Variants in SENP6 observed in about 807,000 individuals in gnomAD.
SENP6 encodes sentrin-specific protease 6.
A neutral mutation model predicts 134.5 loss-of-function variants in SENP6; 41 were observed. The ratio of observed to expected loss-of-function variants is 0.30; its 90% CI spans 0.24 to 0.40. The LOEUF (loss-of-function observed/expected upper bound fraction) is 0.40. Ranked by LOEUF, SENP6 falls within the 10% of genes least tolerant of loss-of-function variation. The probability of loss-of-function intolerance (pLI) is 1.00; values close to 1 mark genes in which losing one functional copy is unlikely to be tolerated. For synonymous variants in SENP6, 395 were observed against 429.8 expected, an observed-to-expected ratio of 0.92 and a Z score of 1.00; for missense variants, 1,248 against 1,312.5, an observed-to-expected ratio of 0.95 and a Z score of 0.76.
At chr6:75,612,200 G>T (rs1185707978) in intron 1 of SENP6, among the ~76,000 whole-genome samples, 1 of 152,126 alleles carries the variant, frequency 6.6e-6, no homozygotes, top group Non-Finnish European at 1.5e-5. Flanking sequence ...CTGCAGCAGG[G>T]TACTCAGACT....
intron 5 of SENP6, 89 bp downstream of exon 5, chr6:75,634,900 A>G (rs1769389687): frequency 6.3e-6 from 5 of 796,556 alleles, no homozygotes; most frequent in Non-Finnish European, 1.1e-5. Flanking sequence ...TTCCTTTGTG[A>G]AACCTTACTG....
intron 1 of SENP6, among the ~76,000 whole-genome samples, chr6:75,617,519 G>A (rs1017812574): frequency 3.3e-5 from 5 of 151,716 alleles, no homozygotes; most frequent in Non-Finnish European, 2.9e-5. Context: ...TGATCCGCCC[G>A]CCTCCGCCTC....
intron 18 of SENP6, among the ~76,000 whole-genome samples, chr6:75,699,947 G>A (rs1174107045): frequency 1.3e-5 from 2 of 152,106 alleles, no homozygotes; most frequent in Admixed American, 1.3e-4. Flanking sequence ...GTCTCATTCT[G>A]TTGCCCAAGC....
chr6:75,603,825 T>G (rs1766821014), intron 1 of SENP6, among the ~76,000 whole-genome samples: 1 of 152,106 alleles, frequency 6.6e-6, no homozygotes, highest in South Asian at 2.1e-4. Context: ...GAAAAAAAAG[T>G]CTTACCGTAC....
chr6:75,690,204 C>A (rs774887596), intron 16 of SENP6, among the ~76,000 whole-genome samples: 2 of 152,206 alleles, frequency 1.3e-5, no homozygotes, highest in Non-Finnish European at 2.9e-5. Flanking sequence ...AGCCACTGCT[C>A]CCAACCAGAA....
chr6:75,611,836 G>A (rs965758888), intron 1 of SENP6: 5 of 152,128 alleles, frequency 3.3e-5, no homozygotes, highest in Admixed American at 6.6e-5. Flanking sequence ...CCTGACTAAC[G>A]AACTGAACTG....
Position 75,715,530 on chromosome 6 carries a change from C to T in SENP6, c.3275C>T (p.Thr1092Ile), listed in dbSNP as rs749157928. 9 of 1,613,214 alleles carry T rather than the reference C, an allele frequency of 5.6e-6. No individual in the cohort carries two copies. In the African/African-American group the frequency reaches 1.1e-4, roughly 19 times the overall value. ...QSKEKRKHKD[T>I]YSTEAPLGEG... ...AAAGAGAAAAGAAAGCATAAGGACACTTACTCAACAGAAGCACCTTTAGGC... is the reference window on the plus strand; with the variant it reads ...AAAGAGAAAAGAAAGCATAAGGACATTTACTCAACAGAAGCACCTTTAGGC... The change falls in exon 24 of 24, where the codon ACT becomes ATT. Residue 1092 changes from threonine to isoleucine, a missense_variant. Physicochemically the swap from Thr to Ile is moderately conservative, Grantham distance 89. This residue lies in a region of SENP6 where 386 missense variants were observed against 395.0 expected (regional missense o/e 0.98). Coordinates refer to ENST00000447266, the MANE Select transcript of SENP6 (RefSeq NM_015571.4).
At chr6:75,679,020 A>C (rs1213387019) in intron 16 of SENP6, 93 bp downstream of exon 16, 1 of 659,614 alleles carries the variant, frequency 1.5e-6, no homozygotes, top group Non-Finnish European at 2.6e-6. Flanking sequence ...TTTGAGTTTT[A>C]AATTCCATCT....
intron 19 of SENP6, among the ~76,000 whole-genome samples, chr6:75,705,500 C>T (rs779747745): frequency 1.1e-4 from 16 of 151,958 alleles, no homozygotes; most frequent in South Asian, 4.2e-4. Flanking sequence ...GCTGGGATCG[C>T]GCAACTGCAC....
intron 5 of SENP6, among the ~76,000 whole-genome samples, chr6:75,637,772 A>G (rs942515176): frequency 4.6e-5 from 7 of 152,158 alleles, no homozygotes; most frequent in African/African-American, 7.2e-5. Flanking sequence ...ATGGATGTCT[A>G]TGAAAGCATA....
Position 75,666,737 on chromosome 6 carries a change from TGAC to T in SENP6, c.1021_1023del (p.Asp341del). ...TCATTTTGTCCAGTGATGATGATGA[TGAC>T]AACGACAGAACTAACAGAAGAGAAA... On this transcript the variant is annotated inframe_deletion, in exon 10 of 24. Transcript: ENST00000447266. The T allele has an allele frequency of 6.3e-7, 1 of 1,575,038 alleles. No individual in the cohort carries two copies. Among genetic ancestry groups the T allele is most frequent in the Non-Finnish European group, 8.7e-7 (1 of 1,154,644 alleles).
rs752522752 is a variant in SENP6, at chr6:75,623,964, A to G, written c.207+4A>G. The G allele has an allele frequency of 6.2e-7, 1 of 1,602,740 alleles. No homozygotes were observed. The highest frequency in any genetic ancestry group is 2.2e-5 in the East Asian group (1 of 44,672). The stretch of plus-strand genomic sequence containing the variant: ...TGAAACCTCAAAAGGAAAAAAGGCA[A>G]GTGTTGCTTAAAATATTTTCTTCTT... On this transcript the variant is annotated splice_donor_region_variant and intron_variant, in intron 3 of 23. Transcript: ENST00000447266.
At chr6:75,606,236 C>T (rs1028916379) in intron 1 of SENP6, among the ~76,000 whole-genome samples, 2 of 152,092 alleles carry the variant, frequency 1.3e-5, no homozygotes, top group African/African-American at 4.8e-5. Context: ...AAAAGGAGAC[C>T]TACTGGTTGT....
intron 20 of SENP6, among the ~76,000 whole-genome samples, chr6:75,710,756 GAAC>G (rs758796405): frequency 1.3e-5 from 2 of 151,986 alleles, no homozygotes; most frequent in African/African-American, 4.8e-5. Context: ...CTTTCTCAAA[GAAC>G]AACAATGACC....
intron 9 of SENP6, among the ~76,000 whole-genome samples, chr6:75,666,230 A>T (rs1414406688): frequency 7.0e-6 from 1 of 143,814 alleles, no homozygotes; most frequent in African/African-American, 2.5e-5. Flanking sequence ...GATATATATA[A>T]AATATGATAT....
intron 1 of SENP6, chr6:75,611,264 T>C (rs558969707): frequency 2.0e-4 from 30 of 152,288 alleles, no homozygotes; most frequent in African/African-American, 7.0e-4. Flanking sequence ...TGGCATTCAG[T>C]CTTCTGTTTT....
At chr6:75,620,863 C>T (rs1158511767) in intron 1 of SENP6, 1 of 152,028 alleles carries the variant, frequency 6.6e-6, no homozygotes, top group Non-Finnish European at 1.5e-5. Flanking sequence ...CCTAATAAAG[C>T]CTGGGTTCTA....
intron 11 of SENP6, among the ~76,000 whole-genome samples, chr6:75,672,892 A>G (rs900499696): frequency 2.0e-4 from 31 of 152,154 alleles, no homozygotes; most frequent in African/African-American, 3.1e-4. Flanking sequence ...CAGTGGCGCA[A>G]TCTCGGCTCA....
Position 75,602,173 on chromosome 6 carries a change from T to G in SENP6, c.-352T>G, listed in dbSNP as rs1582629994. On this transcript the variant is annotated 5_prime_UTR_variant, in exon 1 of 24. Transcript: ENST00000447266. ...TTCTCCTTTCTTGGGAACCCACGGC[T>G]GGGGGAAGTTTCTCAGGCAGCCTGG... The G allele has an allele frequency of 4.2e-6, 1 of 236,558 alleles. No individual in the cohort carries two copies. 14.7% of individuals were successfully genotyped at this position (236,558 alleles called of 1,614,324 possible).
Sources: gnomAD v4.1 joint callset for allele counts (sites outside exome capture counted in the v4.1 genomes callset) on GRCh38, gnomAD v4.1.1 for gene constraint, gnomAD v4.1.1 regional missense constraint, MANE v1.5 for transcripts, NCBI Gene and HGNC (gene_info 2026-07-23, HGNC 2026-07-21) for gene names.